Variants in KCNIP4 observed in about 807,000 individuals in gnomAD.
KCNIP4 encodes the protein Kv channel-interacting protein 4.
Under a neutral mutation model 34.0 loss-of-function variants are expected in KCNIP4, and 12 were observed. That is an observed-to-expected ratio of 0.35 (90% confidence interval 0.23 to 0.57). The LOEUF is 0.57. Among genes scored for constraint, KCNIP4 ranks in the 20% least tolerant of loss-of-function variants. The pLI, the probability that KCNIP4 is intolerant of heterozygous loss-of-function variation, is 0.83. For missense variants in KCNIP4, 238 were observed against 311.7 expected, an observed-to-expected ratio of 0.76 and a Z score of 1.78; for synonymous variants, 124 against 102.2, an observed-to-expected ratio of 1.21 and a Z score of -1.29.
chr4:21,123,042 C>T (rs1750300164), intron 1 of KCNIP4, among the ~76,000 whole-genome samples: 1 of 148,176 alleles, frequency 6.7e-6, no homozygotes, highest in Non-Finnish European at 1.5e-5. Context: ...AACCCCATCT[C>T]TACCAAAAAA....
intron 1 of KCNIP4, among the ~76,000 whole-genome samples, chr4:21,624,142 T>C (rs1745167498): frequency 6.6e-6 from 1 of 152,118 alleles, no homozygotes; most frequent in Non-Finnish European, 1.5e-5. Context: ...CCGAAGAAAC[T>C]TCAAATTCTG....
chr4:20,970,033 C>T (rs1365217270), intron 1 of KCNIP4, among the ~76,000 whole-genome samples: 1 of 151,926 alleles, frequency 6.6e-6, no homozygotes, highest in Non-Finnish European at 1.5e-5. Context: ...GCTCTGCCTC[C>T]CGGGTTCACT....
intron 3 of KCNIP4, among the ~76,000 whole-genome samples, chr4:20,846,975 T>A (rs527617832): frequency 4.8e-4 from 73 of 152,268 alleles, no homozygotes; most frequent in African/African-American, 1.7e-3. Context: ...TGCATTTAAT[T>A]TTGAGACTGC....
chr4:21,380,817 G>A (rs1176683074), intron 1 of KCNIP4, among the ~76,000 whole-genome samples: 1 of 147,760 alleles, frequency 6.8e-6, no homozygotes, highest in Non-Finnish European at 1.5e-5. Flanking sequence ...ACTACTCACA[G>A]ATACACTATA....
chr4:21,391,816 T>C (rs1047496656), intron 1 of KCNIP4, among the ~76,000 whole-genome samples: 1 of 152,158 alleles, frequency 6.6e-6, no homozygotes, highest in Non-Finnish European at 1.5e-5. Context: ...TCAGCACACA[T>C]ACTGTTCCTT....
chr4:20,944,301 A>T (rs941893749), intron 1 of KCNIP4, among the ~76,000 whole-genome samples: 2 of 152,116 alleles, frequency 1.3e-5, no homozygotes, highest in Non-Finnish European at 2.9e-5. Flanking sequence ...TCCATCCATG[A>T]CATGGTCATG....
At chr4:21,529,282 C>T (rs899879975) in intron 1 of KCNIP4, among the ~76,000 whole-genome samples, 2 of 152,118 alleles carry the variant, frequency 1.3e-5, no homozygotes, top group Non-Finnish European at 2.9e-5. Flanking sequence ...ACAAACTGTG[C>T]AACTGCAGAA....
intron 3 of KCNIP4, among the ~76,000 whole-genome samples, chr4:20,818,642 G>T (rs1269486591): frequency 6.6e-6 from 1 of 152,078 alleles, no homozygotes; most frequent in African/African-American, 2.4e-5. Context: ...AGAACTGGTT[G>T]GTACTGACAC....
chr4:21,510,637 T>A (rs527713543), intron 1 of KCNIP4, among the ~76,000 whole-genome samples: 12 of 152,290 alleles, frequency 7.9e-5, no homozygotes, highest in African/African-American at 2.4e-4. Flanking sequence ...TTGATGATAC[T>A]CTCTAAGCCT....
chr4:20,936,414 G>T (rs78865119), intron 1 of KCNIP4, among the ~76,000 whole-genome samples: 16 of 150,410 alleles, frequency 1.1e-4, no homozygotes, highest in Admixed American at 6.6e-4. Context: ...TAAAAGATAT[G>T]TTTTTTTTTT....
chr4:21,441,232 C>T (rs1727447600), intron 1 of KCNIP4, among the ~76,000 whole-genome samples: 1 of 151,594 alleles, frequency 6.6e-6, no homozygotes, highest in South Asian at 2.1e-4. Flanking sequence ...AGCTTCACCT[C>T]CCGGCTTCAT....
intron 1 of KCNIP4, among the ~76,000 whole-genome samples, chr4:20,993,027 CAAAAAAAAAA>C (rs11416440): frequency 4.8e-5 from 2 of 42,084 alleles, no homozygotes; most frequent in Admixed American, 3.3e-4. Context: ...GACTCCATCT[CAAAAAAAAAA>C]AAAAAAAAAA....
chr4:21,455,177 A>G (rs1298176323), intron 1 of KCNIP4, among the ~76,000 whole-genome samples: 2 of 151,518 alleles, frequency 1.3e-5, no homozygotes, highest in South Asian at 2.1e-4. Flanking sequence ...CTTGGGTCAG[A>G]TATCTACACC....
At position 21,370,832 on chromosome 4, in the gene KCNIP4, TATATATATATATATATATACACAC is replaced by T. The variant is rs1333717454; in HGVS notation, c.62-488147_62-488124del. ...ATATATATATATATATATATATATA[TATATATATATATATATATACACAC>T]ACACACACACACACACACACACACA... On this transcript the variant is annotated intron_variant, in intron 1 of 8. Transcript: ENST00000382152. 5.0e-4 allele frequency among the ~76,000 whole-genome samples: 16 copies of T among 32,264 alleles called. No homozygotes were observed. In the East Asian group the frequency reaches 9.0e-3, roughly 18 times the overall value. 21.2% of individuals were successfully genotyped at this position (32,264 alleles called of 152,430 possible).
At chr4:21,418,834 C>T (rs187481946) in intron 1 of KCNIP4, among the ~76,000 whole-genome samples, 6 of 152,228 alleles carry the variant, frequency 3.9e-5, no homozygotes, top group African/African-American at 1.2e-4. Context: ...TCCAATCATA[C>T]AGAAACATGA....
At chr4:20,909,818 T>C (rs1165386681) in intron 1 of KCNIP4, among the ~76,000 whole-genome samples, 2 of 152,158 alleles carry the variant, frequency 1.3e-5, no homozygotes, top group Admixed American at 1.3e-4. Context: ...ATGACAGTCA[T>C]GACTAGTACA....
chr4:20,875,124 G>T (rs1269216772), intron 2 of KCNIP4, among the ~76,000 whole-genome samples: 1 of 152,150 alleles, frequency 6.6e-6, no homozygotes, highest in Non-Finnish European at 1.5e-5. Flanking sequence ...CTCATTCAAG[G>T]GGCTACCACC....
chr4:21,243,205 C>T (rs1213684656), intron 1 of KCNIP4, among the ~76,000 whole-genome samples: 1 of 151,996 alleles, frequency 6.6e-6, no homozygotes, highest in African/African-American at 2.4e-5. Flanking sequence ...ACAATAGAGG[C>T]CTCTCTTTAT....
chr4:21,265,765 A>C (rs1761766244), intron 1 of KCNIP4, among the ~76,000 whole-genome samples: 1 of 152,220 alleles, frequency 6.6e-6, no homozygotes, highest in Non-Finnish European at 1.5e-5. Flanking sequence ...GTGGAAGGAC[A>C]CTTAAACAAT....
Sources: allele counts gnomAD v4.1 joint callset (sites outside exome capture counted in the v4.1 genomes callset), GRCh38; gene constraint gnomAD v4.1.1; transcripts MANE v1.5; gene names NCBI Gene and HGNC (gene_info 2026-07-23, HGNC 2026-07-21).